Variants in EPG5 observed in about 807,000 individuals in gnomAD.
The protein encoded by EPG5 is ectopic P-granules 5 autophagy tethering factor.
In EPG5, 159 loss-of-function variants were observed where a neutral mutation model predicts 302.7. The observed-to-expected ratio is 0.53, with a 90% CI of 0.46 to 0.60. EPG5 has a LOEUF of 0.60. Among genes scored for constraint, EPG5 ranks in the 20% least tolerant of loss-of-function variants. EPG5 has a pLI of 0.00. For missense variants in EPG5, 2,896 were observed against 3,092.4 expected (o/e 0.94, Z 1.51); for synonymous variants, 1,158 against 1,136.8 (o/e 1.02, Z -0.37).
chr18:45,925,653 G>A (rs972280615), intron 14 of EPG5, 85 bp downstream of exon 14: 24 of 1,101,544 alleles, frequency 2.2e-5, no homozygotes, highest in Non-Finnish European at 2.0e-5. Flanking sequence ...ATGGTACTCA[G>A]AAATGTTAGT....
At chr18:45,934,767 A>T (rs1185925559) in intron 11 of EPG5, 42 bp downstream of exon 11, 1 of 1,558,650 alleles carries the variant, frequency 6.4e-7, no homozygotes, top group South Asian at 1.2e-5. Context: ...AAGCACAAAA[A>T]GATAGGGAGA....
At chr18:45,825,873 G>A in the EPG5 span, 1 of 1,478,698 alleles carries the variant, frequency 6.8e-7, no homozygotes, top group Non-Finnish European at 9.4e-7. Flanking sequence ...GCAGGAAGCA[G>A]GTGTGCAGAG....
At chr18:45,922,275 G>A in intron 16 of EPG5, 66 bp downstream of exon 16, 1 of 1,564,568 alleles carries the variant, frequency 6.4e-7, no homozygotes, top group Non-Finnish European at 8.7e-7. Flanking sequence ...CTTGGGATAT[G>A]AAACATAAAA....
the EPG5 span, among the ~76,000 whole-genome samples, chr18:45,804,597 A>T: frequency 6.6e-6 from 1 of 152,362 alleles, no homozygotes; most frequent in African/African-American, 2.4e-5. Flanking sequence ...ATGGAGGCCA[A>T]CACAGTGAAC....
At chr18:45,917,921 G>T (rs1232891825) in intron 16 of EPG5, 102 bp from the exon 17 acceptor site, 16 of 1,190,260 alleles carry the variant, frequency 1.3e-5, no homozygotes, top group Non-Finnish European at 1.8e-5. Context: ...GTTATCTCAG[G>T]TCTCCAACAC....
rs140457574 is a variant in EPG5 at position 45,953,904 on chromosome 18, ACT to A, written c.1008+488_1008+489del. On this transcript the variant is annotated intron_variant, in intron 2 of 43. Coordinates refer to ENST00000282041, the MANE Select transcript of EPG5 (RefSeq NM_020964.3). ...TTCCTCATCCCTTCTCAACCTTGAC[ACT>A]CTCTTCCCATTGGATGTTGGTAGCA... is the stretch of plus-strand genomic sequence containing the variant. 1.4e-3 allele frequency: 1,394 copies of A among 984,950 alleles called. 12 individuals are homozygous for A. In the African/African-American group the frequency reaches 0.022, roughly 15 times the overall value. 61.0% of individuals were successfully genotyped at this position (984,950 alleles called of 1,614,324 possible).
At chr18:45,878,224 G>A in intron 34 of EPG5, 152 bp downstream of exon 34, 2 of 600,798 alleles carry the variant, frequency 3.3e-6, no homozygotes, top group Non-Finnish European at 2.9e-6. Flanking sequence ...AATAGAAAAT[G>A]TCTTAAGTTT....
chr18:45,856,408 G>A (rs1050212887), intron 42 of EPG5, among the ~76,000 whole-genome samples: 1 of 152,178 alleles, frequency 6.6e-6, no homozygotes, highest in Admixed American at 6.5e-5. Context: ...AGGGAATGGA[G>A]GTGACTACTT....
chr18:45,825,853 C>T, the EPG5 span: 2 of 1,572,318 alleles, frequency 1.3e-6, no homozygotes, highest in African/African-American at 1.3e-5. Flanking sequence ...GGTACAGTCT[C>T]CCCTGGAAGG....
At chr18:45,811,753 G>A in the EPG5 span, among the ~76,000 whole-genome samples, 8 of 152,150 alleles carry the variant, frequency 5.3e-5, no homozygotes, top group African/African-American at 1.9e-4. Flanking sequence ...ATTGGGTATT[G>A]ATGTGATGTA....
intron 20 of EPG5, among the ~76,000 whole-genome samples, chr18:45,914,425 A>G (rs904880344): frequency 6.6e-6 from 1 of 152,260 alleles, no homozygotes; most frequent in Non-Finnish European, 1.5e-5. Flanking sequence ...AAGAGGTTGA[A>G]GAACATTACT....
chr18:45,913,628 C>G, intron 21 of EPG5, 78 bp downstream of exon 21: 1 of 1,547,156 alleles, frequency 6.5e-7, no homozygotes, highest in Non-Finnish European at 8.8e-7. Context: ...CACAAAAGCT[C>G]AAAAGCTACG....
the EPG5 span, chr18:45,837,119 G>C: frequency 1.2e-6 from 2 of 1,611,184 alleles, no homozygotes; most frequent in African/African-American, 2.7e-5. Flanking sequence ...CACCATCTCG[G>C]GGATCTTGGG....
intron 13 of EPG5, among the ~76,000 whole-genome samples, chr18:45,928,175 T>G (rs1486185682): frequency 6.6e-6 from 1 of 150,886 alleles, no homozygotes; most frequent in Non-Finnish European, 1.5e-5. Context: ...ATTGAGCCAC[T>G]GCACTCCAGC....
chr18:45,863,761 T>G (rs2048683776), intron 39 of EPG5, among the ~76,000 whole-genome samples: 1 of 152,250 alleles, frequency 6.6e-6, no homozygotes, highest in Non-Finnish European at 1.5e-5. Flanking sequence ...AAGTCAGCTG[T>G]CAGTCTAAAT....
In EPG5 at chr18:45,949,528, G is replaced by A. The variant is rs745425455; in HGVS notation, c.1453C>T (p.Arg485Ter). The change falls in exon 5 of 44, where the codon CGA becomes TGA. Residue 485 changes from arginine (R) to a stop codon, truncating the protein, a stop_gained. Transcript: ENST00000282041. LOFTEE classifies it high-confidence loss of function. ...DHLFLLNHIL[R>*]CPAGVSKWAV... ...CATTTACTAACACCAGCGGGGCATC[G>A]AAGAATATGGTTTAGAAGGAAGAGG... The A allele has an allele frequency of 1.7e-5, 28 of 1,613,024 alleles. No individual in the cohort carries two copies. Among genetic ancestry groups the A allele is most frequent in the Admixed American group, 3.3e-5 (2 of 59,962 alleles).
At chr18:45,846,217 C>T (rs1054783565), downstream of EPG5, among the ~76,000 whole-genome samples, 2 of 152,042 alleles carry the variant, frequency 1.3e-5, no homozygotes, top group African/African-American at 2.4e-5. Flanking sequence ...CCCCTGTGAT[C>T]CTCAAAGCCC....
In EPG5 at chr18:45,858,086, G is replaced by A; in HGVS notation, c.7227-18C>T. The A allele has an allele frequency of 6.3e-7, 1 of 1,595,264 alleles. No homozygotes were observed. On this transcript the variant is annotated intron_variant, in intron 41 of 43. Coordinates refer to ENST00000282041, the MANE Select transcript of EPG5 (RefSeq NM_020964.3). ...CCACGGAGCTAGGGGAGGCACCGGA[G>A]GAAAATAAAATTAGAAGTAAATTTT...
intron 10 of EPG5, among the ~76,000 whole-genome samples, chr18:45,937,231 T>TAC (rs1209026614): frequency 2.2e-4 from 16 of 73,770 alleles, no homozygotes; most frequent in African/African-American, 8.4e-4. Flanking sequence ...TATATACATA[T>TAC]ATATACACAC....
Sources: allele counts gnomAD v4.1 joint callset (sites outside exome capture counted in the v4.1 genomes callset), GRCh38; gene constraint gnomAD v4.1.1; transcripts MANE v1.5; gene names NCBI Gene and HGNC (gene_info 2026-07-23, HGNC 2026-07-21).